Variants in TMEM232 observed in about 807,000 individuals in gnomAD.
TMEM232 encodes the protein transmembrane protein 232.
TMEM232 carries 80 observed loss-of-function variants against 78.8 expected under a neutral mutation model. The observed-to-expected ratio is 1.01, with a 90% CI of 0.85 to 1.22. The LOEUF is 1.22. Ranked by LOEUF, TMEM232 falls within the 50% of genes most tolerant of loss-of-function variation. The pLI is 0.00. For missense variants in TMEM232, 881 were observed against 742.2 expected, an observed-to-expected ratio of 1.19 and a Z score of -2.17; for synonymous variants, 297 against 254.3, an observed-to-expected ratio of 1.17 and a Z score of -1.60.
chr5:110,396,057 G>C (rs988668029), intron 3 of TMEM232, among the ~76,000 whole-genome samples: 1 of 152,156 alleles, frequency 6.6e-6, no homozygotes, highest in Non-Finnish European at 1.5e-5. Flanking sequence ...AAGAAAAAAG[G>C]TTTAACTGAC....
chr5:110,674,330 A>C (rs553042971), intron 1 of TMEM232, among the ~76,000 whole-genome samples: 120 of 152,206 alleles, frequency 7.9e-4, no homozygotes, highest in Non-Finnish European at 1.5e-3. Flanking sequence ...TTTACTGTGA[A>C]TCATATAAAA....
chr5:110,497,562 C>T (rs1765771062), intron 12 of TMEM232, among the ~76,000 whole-genome samples: 1 of 152,094 alleles, frequency 6.6e-6, no homozygotes, highest in Non-Finnish European at 1.5e-5. Context: ...GGAAATTTCA[C>T]ACAAAAATCC....
intron 1 of TMEM232, among the ~76,000 whole-genome samples, chr5:110,698,374 A>G (rs1441446622): frequency 1.3e-5 from 2 of 152,072 alleles, no homozygotes; most frequent in African/African-American, 2.4e-5. Context: ...AACATGGCAC[A>G]TGTATATATA....
chr5:110,709,949 G>GA (rs902296871), intron 1 of TMEM232, among the ~76,000 whole-genome samples: 2 of 149,664 alleles, frequency 1.3e-5, no homozygotes, highest in South Asian at 2.1e-4. Flanking sequence ...TTGAAATGAA[G>GA]AAAAAAATCA....
chr5:110,417,001 G>A (rs1756241505), downstream of TMEM232, among the ~76,000 whole-genome samples: 1 of 152,058 alleles, frequency 6.6e-6, no homozygotes, highest in Non-Finnish European at 1.5e-5. Context: ...TAACACTAGT[G>A]AAACTTAAAA....
intron 10 of TMEM232, among the ~76,000 whole-genome samples, chr5:110,581,144 C>T (rs753892417): frequency 6.6e-6 from 1 of 151,548 alleles, no homozygotes; most frequent in South Asian, 2.1e-4. Context: ...TTATTTTTTA[C>T]AGAAATAGAA....
chr5:110,723,073 G>A (rs891965971), intron 1 of TMEM232, among the ~76,000 whole-genome samples: 5 of 152,242 alleles, frequency 3.3e-5, no homozygotes, highest in African/African-American at 1.2e-4. Flanking sequence ...AAAGAAACTT[G>A]CAGATAATTG....
intron 2 of TMEM232, among the ~76,000 whole-genome samples, chr5:110,653,277 C>T (rs1788583791): frequency 6.6e-6 from 1 of 152,186 alleles, no homozygotes; most frequent in African/African-American, 2.4e-5. Context: ...ATAATCTTTG[C>T]TGAATCACTT....
intron 1 of TMEM232, chr5:110,737,847 T>C (rs1351134689): frequency 6.6e-6 from 1 of 152,528 alleles, no homozygotes; most frequent in Non-Finnish European, 1.5e-5. Flanking sequence ...ATTTAAATTT[T>C]ATACAGTCAA....
At chr5:110,599,418 C>T (rs1048336962) in intron 10 of TMEM232, among the ~76,000 whole-genome samples, 6 of 151,934 alleles carry the variant, frequency 3.9e-5, no homozygotes, top group African/African-American at 1.5e-4. Flanking sequence ...GCTGTATTCA[C>T]GAGACCCATC....
chr5:110,665,262 C>T (rs935954278), intron 2 of TMEM232, among the ~76,000 whole-genome samples: 1 of 152,074 alleles, frequency 6.6e-6, no homozygotes, highest in Non-Finnish European at 1.5e-5. Flanking sequence ...AAATTATGGA[C>T]ATTGAACAGA....
chr5:110,425,492 G>T (rs573040701), intron 12 of TMEM232, among the ~76,000 whole-genome samples: 16 of 152,054 alleles, frequency 1.1e-4, no homozygotes, highest in Non-Finnish European at 2.1e-4. Context: ...AAAGGAGAAA[G>T]TCTTAGGGAA....
chr5:110,663,904 T>A (rs568553072), intron 2 of TMEM232, among the ~76,000 whole-genome samples: 35 of 152,032 alleles, frequency 2.3e-4, no homozygotes, highest in African/African-American at 8.2e-4. Context: ...TTTTGGAGGG[T>A]CAGGTGAGAA....
chr5:110,651,668 T>A (rs532595186), intron 2 of TMEM232, among the ~76,000 whole-genome samples: 4 of 152,160 alleles, frequency 2.6e-5, no homozygotes, highest in Non-Finnish European at 4.4e-5. Context: ...TTACTGAGAC[T>A]GCTGTTCAGA....
intron 11 of TMEM232, among the ~76,000 whole-genome samples, chr5:110,548,781 A>C (rs1463473564): frequency 6.6e-6 from 1 of 152,154 alleles, no homozygotes; most frequent in Non-Finnish European, 1.5e-5. Context: ...TTCAGGGAGC[A>C]TAAAATTAAA....
In TMEM232 at chr5:110,642,375, A is replaced by C; in HGVS notation, c.126-4T>G. 1 of 1,491,276 alleles carries C rather than the reference A, an allele frequency of 6.7e-7. No individual in the cohort carries two copies. Among genetic ancestry groups the C allele is most frequent in the Non-Finnish European group, 8.9e-7 (1 of 1,123,234 alleles). The allele number at this position is 1,491,276 out of a possible 1,614,324, so 92.4% of individuals were successfully genotyped here. On this transcript the variant is annotated splice_polypyrimidine_tract_variant and splice_region_variant and intron_variant, in intron 2 of 13. Coordinates refer to ENST00000455884, the MANE Select transcript of TMEM232 (RefSeq NM_001039763.4). ...TTTTGTGATTGAAAATGTTGGCCTAAATAAAACATTGAAAAATTAACATTT... is the reference window on the plus strand; with the variant it reads ...TTTTGTGATTGAAAATGTTGGCCTACATAAAACATTGAAAAATTAACATTT...
chr5:110,431,772 T>C (rs1229163534), intron 12 of TMEM232, among the ~76,000 whole-genome samples: 4 of 151,570 alleles, frequency 2.6e-5, no homozygotes, highest in African/African-American at 2.4e-5. Context: ...TAACAGCAGA[T>C]TAGACATAGC....
intron 10 of TMEM232, among the ~76,000 whole-genome samples, chr5:110,579,028 C>T (rs1777873608): frequency 6.6e-6 from 1 of 151,372 alleles, no homozygotes; most frequent in African/African-American, 2.4e-5. Flanking sequence ...AAAATTAACC[C>T]AAAGAAATTC....
rs185671251 is a variant in TMEM232, at chr5:110,525,874, T to A, written c.1703+2714A>T. Among the ~76,000 whole-genome samples the A allele has an allele frequency of 6.1e-3, 918 of 150,936 alleles. 14 individuals are homozygous for A. Among genetic ancestry groups the A allele is most frequent in the African/African-American group, 0.021 (884 of 41,346 alleles). Reference sequence around the variant, plus strand: ...TAGAATAAAGGACTAGAATAAAAAATTCAGAATTAGACAAAAAAAGAAATG... The same window carrying A: ...TAGAATAAAGGACTAGAATAAAAAAATCAGAATTAGACAAAAAAAGAAATG... On this transcript the variant is annotated intron_variant, in intron 12 of 13. Coordinates refer to ENST00000455884, the MANE Select transcript of TMEM232 (RefSeq NM_001039763.4).
Sources: allele counts gnomAD v4.1 joint callset (sites outside exome capture counted in the v4.1 genomes callset), GRCh38; gene constraint gnomAD v4.1.1; transcripts MANE v1.5; gene names NCBI Gene and HGNC (gene_info 2026-07-23, HGNC 2026-07-21).